CPA3: variants seen among roughly 807,000 people sequenced by gnomAD.
The protein encoded by CPA3 is carboxypeptidase A3.
In CPA3, 52 loss-of-function variants were observed where a neutral mutation model predicts 55.8. The observed-to-expected ratio is 0.93, with a 90% confidence interval of 0.75 to 1.17. CPA3 has a LOEUF of 1.17. Among genes scored for constraint, CPA3 ranks in the 50% most tolerant of loss-of-function variants. The pLI, the probability that CPA3 is intolerant of heterozygous loss-of-function variation, is 0.00. For missense variants in CPA3, 547 were observed against 509.1 expected, an observed-to-expected ratio of 1.07 and a Z score of -0.72; for synonymous variants, 179 against 171.2, an observed-to-expected ratio of 1.05 and a Z score of -0.36.
rs765426086 is a variant in CPA3 at position 148,882,517 on chromosome 3, A to G, written c.700A>G (p.Arg234Gly). ...IWSWTKNRMW[R>G]KNRSKNQNSK... The stretch of plus-strand genomic sequence containing the variant: ...TTCAATCTGGCAGAACCGCATGTGG[A>G]GAAAAAATCGTTCCAAGAACCAAAA... The change falls in exon 8 of 11, where the codon AGA becomes GGA. Residue 234 changes from arginine to glycine, a missense_variant. Coordinates refer to ENST00000296046, the MANE Select transcript of CPA3 (RefSeq NM_001870.4). The G allele has an allele frequency of 6.2e-7, 1 of 1,613,618 alleles. No individual in the cohort carries two copies. Among genetic ancestry groups the G allele is most frequent in the Non-Finnish European group, 8.5e-7 (1 of 1,179,620 alleles).
At chr3:148,888,424 T>C (rs1031711864) in intron 10 of CPA3, among the ~76,000 whole-genome samples, 2 of 152,238 alleles carry the variant, frequency 1.3e-5, no homozygotes, top group Non-Finnish European at 2.9e-5. Flanking sequence ...AGCATCCACA[T>C]AGATCTTGCT....
At chr3:148,887,756 C>G (rs1714570879) in intron 10 of CPA3, among the ~76,000 whole-genome samples, 1 of 152,180 alleles carries the variant, frequency 6.6e-6, no homozygotes, top group African/African-American at 2.4e-5. Context: ...ATACAAAATT[C>G]CCCATGAAAC....
intron 10 of CPA3, among the ~76,000 whole-genome samples, chr3:148,894,008 T>C (rs1478850829): frequency 6.6e-6 from 1 of 152,204 alleles, no homozygotes; most frequent in Non-Finnish European, 1.5e-5. Flanking sequence ...ACACCTACTC[T>C]TAATGGCTAA....
chr3:148,894,279 A>G (rs1411204837), intron 10 of CPA3, among the ~76,000 whole-genome samples: 3 of 152,198 alleles, frequency 2.0e-5, no homozygotes, highest in Admixed American at 6.5e-5. Context: ...CTCACTTGAC[A>G]TAGTAAAATG....
At chr3:148,869,228 A>G (rs1345401720) in intron 3 of CPA3, among the ~76,000 whole-genome samples, 189 bp downstream of exon 3, 1 of 152,210 alleles carries the variant, frequency 6.6e-6, no homozygotes, top group Non-Finnish European at 1.5e-5. Flanking sequence ...GATAGAATCA[A>G]ACTTGGCAGT....
chr3:148,870,696 G>A (rs1714040731), intron 3 of CPA3, among the ~76,000 whole-genome samples: 1 of 151,980 alleles, frequency 6.6e-6, no homozygotes, highest in South Asian at 2.1e-4. Context: ...ATTGATACCA[G>A]CTTTTAACCC....
At position 148,865,455 on chromosome 3, in the gene CPA3, T is replaced by C. The variant is rs987063956; in HGVS notation, c.69-18T>C. The stretch of plus-strand genomic sequence containing the variant: ...TTCCTTACAGTTCACTTTTTTTTTT[T>C]CATTTGCCTCCACAAAGGGAGAAGG... On this transcript the variant is annotated intron_variant, in intron 1 of 10. Coordinates refer to ENST00000296046, the MANE Select transcript of CPA3 (RefSeq NM_001870.4). The C allele has an allele frequency of 6.2e-7, 1 of 1,612,528 alleles. No homozygotes were observed. Among genetic ancestry groups the C allele is most frequent in the Non-Finnish European group, 8.5e-7 (1 of 1,179,366 alleles).
intron 3 of CPA3, among the ~76,000 whole-genome samples, chr3:148,872,736 C>T (rs1335872864): frequency 6.6e-6 from 1 of 152,036 alleles, no homozygotes; most frequent in African/African-American, 2.4e-5. Context: ...GTATAACATG[C>T]ATGTTATACT....
At chr3:148,894,421 G>A (rs1714766452) in intron 10 of CPA3, among the ~76,000 whole-genome samples, 1 of 149,368 alleles carries the variant, frequency 6.7e-6, no homozygotes, top group Non-Finnish European at 1.5e-5. Context: ...CCAAGAGGAA[G>A]GTGTAAAGCA....
intron 3 of CPA3, among the ~76,000 whole-genome samples, chr3:148,871,072 T>C (rs1714053994): frequency 6.6e-6 from 1 of 152,178 alleles, no homozygotes. Context: ...CTTTTTTTTG[T>C]ATTTTTAGTA....
chr3:148,886,189 C>G lies in CPA3; in HGVS notation c.1066+12C>G. On this transcript the variant is annotated intron_variant, in intron 10 of 10. Coordinates refer to ENST00000296046, the MANE Select transcript of CPA3 (RefSeq NM_001870.4). ...AGAATCAACAATTTGTAAGTCATTC[C>G]TCTTATTTACTGAGCCCTTTTCCCT... 1.9e-6 allele frequency: 3 copies of G among 1,545,378 alleles called. No individual in the cohort carries two copies. Among genetic ancestry groups the G allele is most frequent in the Non-Finnish European group, 2.7e-6 (3 of 1,123,304 alleles).
chr3:148,867,740 G>A (rs915417054), intron 2 of CPA3, among the ~76,000 whole-genome samples: 1 of 152,168 alleles, frequency 6.6e-6, no homozygotes, highest in Non-Finnish European at 1.5e-5. Context: ...GAAACAGCCA[G>A]GCAGACCTGA....
chr3:148,874,246 C>G (rs972004518), intron 3 of CPA3, among the ~76,000 whole-genome samples: 2 of 152,098 alleles, frequency 1.3e-5, no homozygotes, highest in African/African-American at 4.8e-5. Flanking sequence ...ATCATAAGAG[C>G]TAAATTGATA....
chr3:148,895,751 CTGT>C (rs1340954229), intron 10 of CPA3, among the ~76,000 whole-genome samples: 1 of 152,186 alleles, frequency 6.6e-6, no homozygotes, highest in Non-Finnish European at 1.5e-5. Context: ...ATCTTTCAAA[CTGT>C]TATTATTAGT....
intron 2 of CPA3, among the ~76,000 whole-genome samples, chr3:148,867,229 C>T (rs151071560): frequency 1.9e-3 from 289 of 152,318 alleles, no homozygotes; most frequent in African/African-American, 6.2e-3. Flanking sequence ...AAATGTGTTT[C>T]TCTCCCTTTT....
intron 10 of CPA3, among the ~76,000 whole-genome samples, chr3:148,888,429 C>G (rs1576584751): frequency 1.3e-5 from 2 of 152,362 alleles, no homozygotes; most frequent in South Asian, 4.1e-4. Flanking sequence ...CCACATAGAT[C>G]TTGCTACAAC....
At chr3:148,880,026 C>G in intron 6 of CPA3, 137 bp downstream of exon 6, 1 of 571,772 alleles carries the variant, frequency 1.7e-6, no homozygotes, top group Non-Finnish European at 3.1e-6. Context: ...GGAAGAAACG[C>G]TCTGAATTTT....
intron 3 of CPA3, among the ~76,000 whole-genome samples, chr3:148,875,419 C>T (rs1714177708): frequency 6.6e-6 from 1 of 151,784 alleles, no homozygotes; most frequent in Non-Finnish European, 1.5e-5. Flanking sequence ...AATTTTCTGC[C>T]CTACAAAATA....
chr3:148,896,175 C>T (rs748534985), intron 10 of CPA3, among the ~76,000 whole-genome samples: 2 of 152,108 alleles, frequency 1.3e-5, no homozygotes, highest in South Asian at 2.1e-4. Context: ...TGGTTTTCAA[C>T]GACCAGTGAC....
Sources: gnomAD v4.1 joint callset for allele counts (sites outside exome capture counted in the v4.1 genomes callset) on GRCh38, gnomAD v4.1.1 for gene constraint, MANE v1.5 for transcripts, NCBI Gene and HGNC (gene_info 2026-07-23, HGNC 2026-07-21) for gene names.